GNPAT: variants seen among roughly 807,000 people sequenced by gnomAD.
The protein encoded by GNPAT is dihydroxyacetone phosphate acyltransferase.
In GNPAT, 30 loss-of-function variants were observed where a neutral mutation model predicts 78.4. That is an observed-to-expected ratio of 0.38 (90% CI 0.29 to 0.52). GNPAT has a LOEUF of 0.52. GNPAT is among the 20% of genes least tolerant of loss of function. The pLI is 0.84. For synonymous variants in GNPAT, 271 were observed against 281.1 expected, an observed-to-expected ratio of 0.96 and a Z score of 0.36; for missense variants, 714 against 812.2, an observed-to-expected ratio of 0.88 and a Z score of 1.47.
chr1:231,257,131 A>G (rs2102809121), intron 2 of GNPAT, among the ~76,000 whole-genome samples: 1 of 152,262 alleles, frequency 6.6e-6, no homozygotes, highest in East Asian at 1.9e-4. Context: ...AGTCACGGAG[A>G]AAGCATTTCC....
chr1:231,252,612 C>A (rs1684929325), intron 2 of GNPAT, among the ~76,000 whole-genome samples: 1 of 152,072 alleles, frequency 6.6e-6, no homozygotes, highest in Non-Finnish European at 1.5e-5. Flanking sequence ...TTTTTGCTAG[C>A]AGCAGTCTCC....
At chr1:231,243,836 C>T (rs147390502) in intron 1 of GNPAT, among the ~76,000 whole-genome samples, 47 of 152,072 alleles carry the variant, frequency 3.1e-4, no homozygotes, top group South Asian at 1.2e-3. Context: ...AAAATCTTAA[C>T]TTTATGGGAG....
At chr1:231,253,659 C>T (rs1364614530) in intron 2 of GNPAT, among the ~76,000 whole-genome samples, 1 of 152,160 alleles carries the variant, frequency 6.6e-6, no homozygotes, top group Non-Finnish European at 1.5e-5. Context: ...AGTCAAGTTT[C>T]CTCATCAATT....
intron 5 of GNPAT, 21 bp downstream of exon 5, chr1:231,265,441 A>C (rs747558536): frequency 1.9e-6 from 3 of 1,577,706 alleles, no homozygotes; most frequent in East Asian, 4.5e-5. Context: ...ATAATTCCCA[A>C]CTACTCTTAA....
intron 2 of GNPAT, among the ~76,000 whole-genome samples, chr1:231,253,209 T>C (rs945232054): frequency 7.9e-5 from 12 of 152,338 alleles, no homozygotes; most frequent in African/African-American, 2.9e-4. Context: ...GACCTTGTGA[T>C]CTGCTCTCCT....
At chr1:231,269,838 G>C (rs886970340) in intron 9 of GNPAT, 3 of 152,148 alleles carry the variant, frequency 2.0e-5, no homozygotes, top group Admixed American at 6.6e-5. Flanking sequence ...CTACAGTTCT[G>C]TTCCTTTTTT....
intron 15 of GNPAT, among the ~76,000 whole-genome samples, 166 bp from the exon 16 acceptor site, chr1:231,277,333 C>A: frequency 6.6e-6 from 1 of 152,198 alleles, no homozygotes; most frequent in East Asian, 1.9e-4. Context: ...GGAGCATCTA[C>A]CGCTTCCCTT....
rs772640726 is a variant in GNPAT at position 231,266,374 on chromosome 1, G to A, written c.1022G>A (p.Arg341Lys). 9.3e-6 allele frequency: 15 copies of A among 1,613,796 alleles called. No homozygotes were observed. The highest frequency in any genetic ancestry group is 1.3e-5 in the Non-Finnish European group (15 of 1,179,782). ...TCACTTCGATCTTTGGCAGCTGGGAGGATGAGTCGGAGCTCATATAACTTG... is the reference window on the plus strand; with the variant it reads ...TCACTTCGATCTTTGGCAGCTGGGAAGATGAGTCGGAGCTCATATAACTTG... Reference protein sequence around the residue: ...PVSLRSLAAGRMSRSSYNLVP... With the variant: ...PVSLRSLAAGKMSRSSYNLVP... The change falls in exon 8 of 16, where the codon AGG becomes AAG. Residue 341 changes from arginine to lysine, a missense_variant. Physicochemically the swap from Arg to Lys is conservative, Grantham distance 26. Coordinates refer to ENST00000366647, the MANE Select transcript of GNPAT (RefSeq NM_014236.4).
rs1471782229 is a variant in GNPAT at position 231,267,768 on chromosome 1, G to A, written c.1144G>A (p.Val382Ile). The A allele has an allele frequency of 3.7e-6, 6 of 1,613,218 alleles. No homozygotes were observed. The highest frequency in any genetic ancestry group is 2.2e-5 in the South Asian group (2 of 91,046). ...KMELLQIENM[V>I]LSPWTLIVAV... ...GGAGCTTCTGCAAATTGAAAACATGGTTTTGAGCCCCTGGACCCTAATAGT... is the reference window on the plus strand; with the variant it reads ...GGAGCTTCTGCAAATTGAAAACATGATTTTGAGCCCCTGGACCCTAATAGT... The change falls in exon 9 of 16, where the codon GTT becomes ATT. Residue 382 changes from valine to isoleucine, a missense_variant. Transcript: ENST00000366647.
intron 6 of GNPAT, 27 bp from the exon 7 acceptor site, chr1:231,265,987 T>G: frequency 6.2e-7 from 1 of 1,602,194 alleles, no homozygotes; most frequent in South Asian, 1.1e-5. Context: ...AATATGTTGA[T>G]GAAGCATTTC....
chr1:231,241,344 G>A lies in GNPAT; in HGVS notation c.-35G>A. On this transcript the variant is annotated 5_prime_UTR_variant, in exon 1 of 16. Coordinates refer to ENST00000366647, the MANE Select transcript of GNPAT (RefSeq NM_014236.4). ...AGGAGCACCACCACGGCTTAGCAAA[G>A]AATCCCAGACCCCGCCCGGGAAGGC... is the stretch of plus-strand genomic sequence containing the variant. 5 of 1,568,540 alleles carry A rather than the reference G, an allele frequency of 3.2e-6. No homozygotes were observed. Among genetic ancestry groups the A allele is most frequent in the Non-Finnish European group, 4.4e-6 (5 of 1,138,368 alleles).
intron 9 of GNPAT, 140 bp downstream of exon 9, chr1:231,268,043 C>G (rs1212644682): frequency 5.7e-6 from 4 of 696,076 alleles, no homozygotes; most frequent in Admixed American, 2.0e-5. Flanking sequence ...TGGTTCACAC[C>G]TGTAATCCCA....
Position 231,267,852 on chromosome 1 carries a change from T to TTA in GNPAT, c.1230_1231dup (p.Trp411TyrfsTer3). The TTA allele has an allele frequency of 1.9e-6, 3 of 1,613,954 alleles. No homozygotes were observed. Among genetic ancestry groups the TTA allele is most frequent in the Non-Finnish European group, 1.7e-6 (2 of 1,179,842 alleles). ...CTTTGATGCTCTGGTGGAAAAGACTTTATGGCTAAAAGGCTTAACCCAGGC... is the reference window on the plus strand; with the variant it reads ...CTTTGATGCTCTGGTGGAAAAGACTTTATATGGCTAAAAGGCTTAACCCAGGC... On this transcript the variant is annotated frameshift_variant, in exon 9 of 16. Coordinates refer to ENST00000366647, the MANE Select transcript of GNPAT (RefSeq NM_014236.4). LOFTEE classifies it high-confidence loss of function.
rs1457236122 is a variant in GNPAT at position 231,268,799 on chromosome 1, G to A, written c.1279+896G>A. 4.6e-5 allele frequency among the ~76,000 whole-genome samples: 7 copies of A among 151,728 alleles called. No individual in the cohort carries two copies. In the East Asian group the frequency reaches 1.2e-3, roughly 25 times the overall value. ...CGTGCACCTGTAATCCCAGCTACTC[G>A]GGAGGCTGAGGCAGGAAAATTGCTT... On this transcript the variant is annotated intron_variant, in intron 9 of 15. Coordinates refer to ENST00000366647, the MANE Select transcript of GNPAT (RefSeq NM_014236.4).
At chr1:231,272,533 C>A in intron 11 of GNPAT, 142 bp downstream of exon 11, 1 of 661,572 alleles carries the variant, frequency 1.5e-6, no homozygotes, top group Non-Finnish European at 2.8e-6. Context: ...GAAACTGGGG[C>A]GCTCACAGTT....
rs934947367 is a variant in GNPAT, at chr1:231,245,744, C to T, written c.78+4288C>T. 5.3e-5 allele frequency among the ~76,000 whole-genome samples: 8 copies of T among 152,252 alleles called. No individual in the cohort carries two copies. The East Asian group carries it at 7.7e-4, about 15-fold the overall frequency. On this transcript the variant is annotated intron_variant, in intron 1 of 15. Coordinates refer to ENST00000366647, the MANE Select transcript of GNPAT (RefSeq NM_014236.4). Reference sequence around the variant, plus strand: ...CAGCACTTTGGGAGGCCAAAGCAGGCGGATCACCTGAGGTCGGGAGCTCGC... The same window carrying T: ...CAGCACTTTGGGAGGCCAAAGCAGGTGGATCACCTGAGGTCGGGAGCTCGC...
In GNPAT at chr1:231,275,272, C is replaced by T; in HGVS notation, c.1795C>T (p.Gln599Ter). The T allele has an allele frequency of 1.2e-6, 2 of 1,613,172 alleles. No homozygotes were observed. The highest frequency in any genetic ancestry group is 1.1e-5 in the South Asian group (1 of 91,064). Residue 599 changes from glutamine to a stop codon, truncating the protein, a stop_gained, in exon 13 of 16, where the codon CAG becomes TAG. Transcript: ENST00000366647. LOFTEE classifies it high-confidence loss of function. ...SEEEDHFSEEQYLAAVRKFTS... is the reference protein window; with the variant it reads ...SEEEDHFSEE ...AGAAGAGGACCACTTCAGTGAGGAA[C>T]AGTACTTGGCTGCAGTCAGAAAATT... is the stretch of plus-strand genomic sequence containing the variant.
intron 2 of GNPAT, 43 bp from the exon 3 acceptor site, chr1:231,260,464 T>G: frequency 1.5e-6 from 2 of 1,379,218 alleles, no homozygotes; most frequent in Non-Finnish European, 2.1e-6. Flanking sequence ...GACTTTTCTG[T>G]TATTGTTGTT....
At chr1:231,260,823 C>G in intron 3 of GNPAT, 140 bp downstream of exon 3, 1 of 657,876 alleles carries the variant, frequency 1.5e-6, no homozygotes, top group Non-Finnish European at 2.6e-6. Context: ...AAGCCTAGGG[C>G]CTAATCATCA....
Sources: allele counts gnomAD v4.1 joint callset (sites outside exome capture counted in the v4.1 genomes callset), GRCh38; gene constraint gnomAD v4.1.1; transcripts MANE v1.5; gene names NCBI Gene and HGNC (gene_info 2026-07-23, HGNC 2026-07-21).